Variants in C9 observed in about 807,000 individuals in gnomAD.
C9 encodes the protein complement component C9.
C9 carries 63 observed loss-of-function variants against 65.4 expected under a neutral mutation model. The ratio of observed to expected loss-of-function variants is 0.96; its 90% CI spans 0.79 to 1.19. The LOEUF is 1.19. Among genes scored for constraint, C9 ranks in the 50% most tolerant of loss-of-function variants. The pLI, the probability that C9 is intolerant of heterozygous loss-of-function variation, is 0.00. For missense variants in C9, 744 were observed against 670.1 expected (o/e 1.11, Z -1.22); for synonymous variants, 229 against 227.9 (o/e 1.00, Z -0.04).
At chr5:39,304,127 C>T (rs1031703672) in intron 9 of C9, among the ~76,000 whole-genome samples, 2 of 151,934 alleles carry the variant, frequency 1.3e-5, no homozygotes, top group African/African-American at 2.4e-5. Context: ...CATTCATTAG[C>T]GTATGGTAAA....
chr5:39,359,019 T>TAAAAAAA (rs1269752220), intron 1 of C9, among the ~76,000 whole-genome samples: 1 of 16,528 alleles, frequency 6.1e-5, no homozygotes, highest in Admixed American at 4.0e-4. Flanking sequence ...AAATAAAAAA[T>TAAAAAAA]ATATATATAT....
chr5:39,303,590 T>G (rs1441359699), intron 9 of C9, among the ~76,000 whole-genome samples: 2 of 151,252 alleles, frequency 1.3e-5, no homozygotes, highest in Non-Finnish European at 2.9e-5. Flanking sequence ...CCACATAGTT[T>G]ACTTAGAAAA....
chr5:39,328,180 A>G (rs949699548), intron 5 of C9, among the ~76,000 whole-genome samples: 2 of 152,208 alleles, frequency 1.3e-5, no homozygotes, highest in African/African-American at 4.8e-5. Flanking sequence ...ATAGGATGTA[A>G]AGAGGGACTG....
chr5:39,312,701 A>G (rs1474090607), intron 6 of C9, among the ~76,000 whole-genome samples: 1 of 152,154 alleles, frequency 6.6e-6, no homozygotes, highest in African/African-American at 2.4e-5. Flanking sequence ...TGACACCCAC[A>G]ATTTTGCAAA....
intron 1 of C9, among the ~76,000 whole-genome samples, chr5:39,344,969 G>A (rs190824607): frequency 6.6e-6 from 1 of 152,170 alleles, no homozygotes; most frequent in African/African-American, 2.4e-5. Context: ...ACAAGCAAAT[G>A]CAGAGAGATT....
chr5:39,344,872 T>C (rs1754160711), intron 1 of C9, among the ~76,000 whole-genome samples: 1 of 152,190 alleles, frequency 6.6e-6, no homozygotes, highest in South Asian at 2.1e-4. Context: ...ATATTCAACA[T>C]TCTTAAAGAA....
intron 4 of C9, among the ~76,000 whole-genome samples, chr5:39,336,186 G>C (rs1231305956): frequency 6.6e-6 from 1 of 151,968 alleles, no homozygotes. Context: ...AAATTTTTTA[G>C]TTATTTTTAT....
chr5:39,320,374 T>C (rs1333402230), intron 5 of C9, among the ~76,000 whole-genome samples: 1 of 151,556 alleles, frequency 6.6e-6, no homozygotes, highest in African/African-American at 2.4e-5. Context: ...AATTAGGGAG[T>C]TAAAGAACAG....
At chr5:39,307,487 T>C (rs1445750760) in intron 8 of C9, among the ~76,000 whole-genome samples, 1 of 152,154 alleles carries the variant, frequency 6.6e-6, no homozygotes, top group African/African-American at 2.4e-5. Context: ...AATGGCAAAT[T>C]CAGCTTTTTT....
intron 1 of C9, 103 bp from the exon 2 acceptor site, chr5:39,342,299 T>G: frequency 1.5e-6 from 1 of 681,144 alleles, no homozygotes; most frequent in Non-Finnish European, 2.7e-6. Context: ...CCCTCTCAAA[T>G]TATACCACTT....
Position 39,285,112 on chromosome 5 carries a change from A to T in C9, c.*87T>A. On this transcript the variant is annotated 3_prime_UTR_variant, in exon 11 of 11. Transcript: ENST00000263408. ...ATTTTCATGAAGCATGTTGCTATTT[A>T]CTTGGCAGCTAAGATTATCTTCAGG... The T allele has an allele frequency of 9.5e-7, 1 of 1,047,966 alleles. No individual in the cohort carries two copies. Among genetic ancestry groups the T allele is most frequent in the Non-Finnish European group, 1.5e-6 (1 of 664,014 alleles). The allele number at this position is 1,047,966 out of a possible 1,614,324, so 64.9% of individuals were successfully genotyped here. A position where few individuals can be genotyped will look rare whatever the true frequency, so the allele number is the denominator to read the frequency against.
chr5:39,339,149 T>C lies in C9; in HGVS notation c.476+1997A>G, dbSNP rs988300113. ...ATTTGAGCACACCATGATCTAGTTA[T>C]AAGATTTGGGAAAACTCCCATGCCA... is the stretch of plus-strand genomic sequence containing the variant. On this transcript the variant is annotated intron_variant, in intron 4 of 10. Transcript: ENST00000263408. 3.9e-5 allele frequency among the ~76,000 whole-genome samples: 6 copies of C among 152,318 alleles called. No homozygotes were observed. The East Asian group carries it at 5.8e-4, about 15-fold the overall frequency.
intron 1 of C9, among the ~76,000 whole-genome samples, chr5:39,345,384 T>A (rs1243351899): frequency 6.6e-6 from 1 of 152,076 alleles, no homozygotes; most frequent in East Asian, 1.9e-4. Context: ...TAGTCTCTGA[T>A]AAAACAGACT....
At chr5:39,318,402 G>C (rs1204903358) in intron 5 of C9, among the ~76,000 whole-genome samples, 2 of 152,128 alleles carry the variant, frequency 1.3e-5, no homozygotes, top group South Asian at 2.1e-4. Context: ...ATGTTGAATA[G>C]GAGTCATCAG....
rs777593898 is a variant in C9, at chr5:39,341,581, G to A, written c.303C>T (p.Cys101=). The stretch of plus-strand genomic sequence containing the variant: ...CTGTACTGCATTGAAAGTCATTTCC[G>A]CAGTCATCCTCAGCATCCTCACAGG... ...TEPCEDAEDD[C]GNDFQCSTGR... Residue 101 remains cysteine (C), a synonymous_variant, in exon 3 of 11, where the codon TGC becomes TGT. Coordinates refer to ENST00000263408, the MANE Select transcript of C9 (RefSeq NM_001737.5). 1.7e-5 allele frequency: 28 copies of A among 1,613,726 alleles called. No individual in the cohort carries two copies. Among genetic ancestry groups the A allele is most frequent in the Middle Eastern group, 1.6e-4 (1 of 6,084 alleles).
chr5:39,341,596 A>T lies in C9; in HGVS notation c.288T>A (p.Asp96Glu). The stretch of plus-strand genomic sequence containing the variant: ...AGTCATTTCCGCAGTCATCCTCAGC[A>T]TCCTCACAGGGCTCTGTGGGCACAC... ...RQCVPTEPCEDAEDDCGNDFQ... is the reference protein window; with the variant it reads ...RQCVPTEPCEEAEDDCGNDFQ... The change falls in exon 3 of 11, where the codon GAT becomes GAA. Residue 96 changes from aspartate to glutamate, a missense_variant. Physicochemically the swap from Asp to Glu is conservative, Grantham distance 45 (BLOSUM62 2). Transcript: ENST00000263408. 6.2e-7 allele frequency: 1 copy of T among 1,614,056 alleles called. No homozygotes were observed. Among genetic ancestry groups the T allele is most frequent in the Non-Finnish European group, 8.5e-7 (1 of 1,179,922 alleles).
intron 5 of C9, among the ~76,000 whole-genome samples, chr5:39,317,994 T>C (rs976377554): frequency 6.6e-6 from 1 of 152,194 alleles, no homozygotes; most frequent in African/African-American, 2.4e-5. Context: ...GAAATGTTTT[T>C]CCATTTGCTT....
At chr5:39,363,973 G>T (rs1197626248) in intron 1 of C9, among the ~76,000 whole-genome samples, 2 of 152,182 alleles carry the variant, frequency 1.3e-5, no homozygotes, top group African/African-American at 2.4e-5. Flanking sequence ...TAATGTGGAG[G>T]CAAAAGGGTG....
At position 39,359,048 on chromosome 5, in the gene C9, GTA is replaced by G. The variant is rs1438887518; in HGVS notation, c.77+5338_77+5339del. ...TATATATATATATATGTGTGTGTGT[GTA>G]TATATATGTGTATATATATATGTGT... On this transcript the variant is annotated intron_variant, in intron 1 of 10. Coordinates refer to ENST00000263408, the MANE Select transcript of C9 (RefSeq NM_001737.5). Among the ~76,000 whole-genome samples, 186 of 140,262 alleles carry G rather than the reference GTA, an allele frequency of 1.3e-3. 4 individuals are homozygous for G. Among genetic ancestry groups the G allele is most frequent in the African/African-American group, 4.4e-3 (168 of 37,874 alleles). The allele number at this position is 140,262 out of a possible 152,430, so 92.0% of individuals were successfully genotyped here.
Sources: allele counts gnomAD v4.1 joint callset (sites outside exome capture counted in the v4.1 genomes callset), GRCh38; gene constraint gnomAD v4.1.1; transcripts MANE v1.5; gene names NCBI Gene and HGNC (gene_info 2026-07-23, HGNC 2026-07-21).